Variants in PRH1 observed in about 807,000 individuals in gnomAD.
PRH1 encodes the protein salivary acidic proline-rich phosphoprotein 1/2.
PRH1 carries 7 observed loss-of-function variants against 7.9 expected under a neutral mutation model. That is an observed-to-expected ratio of 0.89 (90% CI 0.50 to 1.67). The LOEUF is 1.67. PRH1 is among the 40% of genes most tolerant of loss of function. The pLI is 0.00. For synonymous variants in PRH1, 45 were observed against 80.8 expected (o/e 0.56, Z 2.38); for missense variants, 109 against 223.6 (o/e 0.49, Z 3.27).
chr12:11,033,366 A>AAAAACAAAACAAAACAAAAC (rs77949516), intron 1 of PRH1, among the ~76,000 whole-genome samples: 70 of 151,192 alleles, frequency 4.6e-4, no homozygotes, highest in African/African-American at 1.7e-3. Context: ...GACTCTGTCA[A>AAAAACAAAACAAAACAAAAC]AAAACAAAAC....
chr12:11,001,637 T>C (rs10772412), intron 1 of PRH1, among the ~76,000 whole-genome samples: 45,805 of 152,092 alleles, frequency 0.3, 8,731 homozygotes, highest in East Asian at 0.74. Context: ...ATCAGGTTAA[T>C]GGAGCACCTA....
intron 1 of PRH1, among the ~76,000 whole-genome samples, chr12:10,992,677 T>TAC (rs1939999564): frequency 6.6e-6 from 1 of 152,156 alleles, no homozygotes; most frequent in Admixed American, 6.5e-5. Context: ...CCTCCCAAAT[T>TAC]GTTTGGATTA....
At position 11,095,739 on chromosome 12, in the gene PRH1, A is replaced by G; in HGVS notation, n.124-48551T>C. 1.7e-5 allele frequency among the ~76,000 whole-genome samples: 2 copies of G among 114,604 alleles called. 1 individual carries two copies. The highest frequency in any genetic ancestry group is 1.8e-4 in the Admixed American group (2 of 11,326). 75.2% of individuals were successfully genotyped at this position (114,604 alleles called of 152,430 possible). A position where few individuals can be genotyped will look rare whatever the true frequency, so the allele number is the denominator to read the frequency against. On this transcript the variant is annotated intron_variant and non_coding_transcript_variant, in intron 1 of 4. Transcript: ENST00000541977. Reference sequence around the variant, plus strand: ...GATGGTTTGAGCCCAGGAGTTCCAGACTGCAGTAAGCCATGATCCTACCAC... The same window carrying G: ...GATGGTTTGAGCCCAGGAGTTCCAGGCTGCAGTAAGCCATGATCCTACCAC...
chr12:11,068,372 C>T (rs1943914570), intron 1 of PRH1, among the ~76,000 whole-genome samples: 1 of 152,158 alleles, frequency 6.6e-6, no homozygotes, highest in Non-Finnish European at 1.5e-5. Context: ...ATTCCTCTCA[C>T]ATTTGTGAGT....
chr12:10,938,842 T>C (rs759127788), intron 2 of PRH1: 6 of 1,613,478 alleles, frequency 3.7e-6, no homozygotes, highest in Admixed American at 1.7e-5. Flanking sequence ...CCCTCCACTT[T>C]AGGTAGAGAA....
intron 1 of PRH1, among the ~76,000 whole-genome samples, chr12:11,164,445 T>C (rs1947512097): frequency 6.6e-6 from 1 of 152,182 alleles, no homozygotes; most frequent in Non-Finnish European, 1.5e-5. Context: ...GAATCCCTTT[T>C]TACACATGTT....
chr12:10,889,886 T>A (rs1179567050), intron 2 of PRH1, among the ~76,000 whole-genome samples: 1 of 152,196 alleles, frequency 6.6e-6, no homozygotes, highest in Non-Finnish European at 1.5e-5. Context: ...CCTATTTTTC[T>A]GCTGACAAGT....
At chr12:11,083,937 G>GTATAGTGTTA (rs1311213420) in intron 1 of PRH1, among the ~76,000 whole-genome samples, 2 of 74,124 alleles carry the variant, frequency 2.7e-5, no homozygotes, top group East Asian at 3.3e-4. Flanking sequence ...TGGTTCTGCT[G>GTATAGTGTTA]GGACAATTAA....
chr12:10,980,198 A>T (rs7979087), intron 1 of PRH1, among the ~76,000 whole-genome samples: 76 of 152,294 alleles, frequency 5.0e-4, no homozygotes, highest in Non-Finnish European at 7.5e-4. Flanking sequence ...CTCATAATTC[A>T]TTGATCATGG....
At chr12:10,968,940 G>A (rs1938651953) in intron 2 of PRH1, among the ~76,000 whole-genome samples, 1 of 152,248 alleles carries the variant, frequency 6.6e-6, no homozygotes, top group Non-Finnish European at 1.5e-5. Flanking sequence ...TTCGCTTGAG[G>A]CGGCTGCCTC....
intron 1 of PRH1, among the ~76,000 whole-genome samples, chr12:11,020,320 T>A (rs1201154162): frequency 6.7e-6 from 1 of 150,270 alleles, no homozygotes; most frequent in African/African-American, 2.5e-5. Context: ...TGACCTCTCT[T>A]TTTATGGTGA....
At chr12:10,972,586 T>A (rs540459265) in intron 2 of PRH1, among the ~76,000 whole-genome samples, 1 of 152,272 alleles carries the variant, frequency 6.6e-6, no homozygotes, top group East Asian at 1.9e-4. Flanking sequence ...TGAAGACATA[T>A]TCTCTTTCAT....
chr12:10,882,239 T>A lies in PRH1; in HGVS notation c.560A>T (p.Gln187Leu). 1 of 1,613,688 alleles carries A rather than the reference T, an allele frequency of 6.2e-7. No homozygotes were observed. Among genetic ancestry groups the A allele is most frequent in the Non-Finnish European group, 8.5e-7 (1 of 1,179,896 alleles). The part of the protein sequence containing the change: ...PQGPPQGQSP[Q>L] ...TACCTGTCATTGAATCCTAGATTAC[T>A]GAGGAGACTGCCCCTGTGGAGGTCC... The change falls in exon 3 of 4, where the codon CAG (glutamine) becomes CTG (leucine). Residue 187 changes from glutamine to leucine, a missense_variant. Physicochemically the swap from Gln to Leu is moderately radical, Grantham distance 113. Coordinates refer to ENST00000543626, the MANE Select transcript of PRH1 (RefSeq NM_001393989.1).
chr12:11,154,270 T>C (rs1386196943), intron 1 of PRH1, among the ~76,000 whole-genome samples: 1 of 152,184 alleles, frequency 6.6e-6, no homozygotes, highest in African/African-American at 2.4e-5. Flanking sequence ...GAATCAAGTA[T>C]TGTAAGAAGC....
intron 1 of PRH1, among the ~76,000 whole-genome samples, chr12:11,071,132 T>A (rs1944048303): frequency 1.3e-5 from 2 of 148,932 alleles, no homozygotes; most frequent in Admixed American, 6.7e-5. Flanking sequence ...CCGAGACCAA[T>A]CTCTCCTGAG....
At chr12:11,162,227 G>A (rs896615375) in intron 1 of PRH1, among the ~76,000 whole-genome samples, 5 of 152,140 alleles carry the variant, frequency 3.3e-5, no homozygotes, top group African/African-American at 1.2e-4. Flanking sequence ...GGACTAATCA[G>A]GAACTTCCCT....
intron 2 of PRH1, chr12:10,931,125 G>C (rs1178251211): frequency 6.3e-7 from 1 of 1,583,268 alleles, no homozygotes; most frequent in Admixed American, 1.9e-5. Flanking sequence ...AACTGCTACA[G>C]TTCTCCAACT....
chr12:10,939,261 G>T, intron 2 of PRH1: 1 of 1,007,118 alleles, frequency 9.9e-7, no homozygotes, highest in Non-Finnish European at 1.4e-6. Context: ...ACTTCTTAAT[G>T]CATTCATCTA....
intron 2 of PRH1, among the ~76,000 whole-genome samples, chr12:10,972,936 C>CA (rs1565511694): frequency 8.1e-6 from 1 of 124,084 alleles, no homozygotes; most frequent in African/African-American, 3.0e-5. Context: ...CAACCCACCC[C>CA]CCCCGCCCGC....
Sources: gnomAD v4.1 joint callset for allele counts (sites outside exome capture counted in the v4.1 genomes callset) on GRCh38, gnomAD v4.1.1 for gene constraint, MANE v1.5 for transcripts, NCBI Gene and HGNC (gene_info 2026-07-23, HGNC 2026-07-21) for gene names.